The following KALRN variants were observed in gnomAD, a reference collection of about 807,000 sequenced individuals.
KALRN encodes kalirin.
KALRN carries 70 observed loss-of-function variants against 353.7 expected under a neutral mutation model. The observed-to-expected ratio is 0.20, with a 90% confidence interval of 0.16 to 0.24. The LOEUF (loss-of-function observed/expected upper bound fraction) is 0.24, where lower values mean the gene tolerates loss of function less well. KALRN is among the 10% of genes least tolerant of loss of function. The probability of loss-of-function intolerance (pLI) is 1.00; values close to 1 mark genes in which losing one functional copy is unlikely to be tolerated. For synonymous variants in KALRN, 1,391 were observed against 1,434.8 expected, an observed-to-expected ratio of 0.97 and a Z score of 0.69; for missense variants, 2,791 against 3,756.7, an observed-to-expected ratio of 0.74 and a Z score of 6.72.
rs185476725 is a variant in KALRN at position 124,307,898 on chromosome 3, C to A, written c.1092+8985C>A. Among the ~76,000 whole-genome samples, 377 of 152,010 alleles carry A rather than the reference C, an allele frequency of 2.5e-3. 3 individuals are homozygous for A. Among genetic ancestry groups the A allele is most frequent in the Non-Finnish European group, 3.2e-3 (214 of 67,844 alleles). On this transcript the variant is annotated intron_variant, in intron 6 of 59. Transcript: ENST00000682506. Reference sequence around the variant, plus strand: ...ATTTTTAAAAAATATAAGACCCAATCTAATTGCTGTATACAGGAGGCACAT... The same window carrying A: ...ATTTTTAAAAAATATAAGACCCAATATAATTGCTGTATACAGGAGGCACAT...
intron 9 of KALRN, among the ~76,000 whole-genome samples, chr3:124,343,183 G>A (rs1357436149): frequency 1.3e-5 from 2 of 152,138 alleles, no homozygotes; most frequent in Non-Finnish European, 2.9e-5. Context: ...ATATATTTGA[G>A]ACAAGATCTC....
chr3:124,390,998 G>T (rs1032971125), intron 11 of KALRN, among the ~76,000 whole-genome samples: 6 of 152,078 alleles, frequency 3.9e-5, no homozygotes, highest in Non-Finnish European at 7.3e-5. Context: ...GCATGGAAAG[G>T]CTCCTTTAAC....
intron 21 of KALRN, among the ~76,000 whole-genome samples, chr3:124,452,413 T>C (rs2058877986): frequency 6.6e-6 from 1 of 152,184 alleles, no homozygotes; most frequent in African/African-American, 2.4e-5. Flanking sequence ...CCTTTTAGGG[T>C]TCATGGTCTA....
At chr3:124,616,004 C>G (rs772521300) in intron 34 of KALRN, among the ~76,000 whole-genome samples, 4 of 152,160 alleles carry the variant, frequency 2.6e-5, no homozygotes, top group Non-Finnish European at 4.4e-5. Context: ...TACATTAAGT[C>G]CAAGAGACCC....
chr3:124,135,352 A>G (rs1313194750), intron 1 of KALRN, among the ~76,000 whole-genome samples: 5 of 152,184 alleles, frequency 3.3e-5, no homozygotes, highest in South Asian at 2.1e-4. Context: ...TAAGAATGAT[A>G]CAGTGGACTT....
At chr3:124,343,061 C>T (rs548292756) in intron 9 of KALRN, among the ~76,000 whole-genome samples, 28 of 152,308 alleles carry the variant, frequency 1.8e-4, no homozygotes, top group African/African-American at 6.7e-4. Flanking sequence ...CCATTGGCCT[C>T]GCCTGGGTCA....
At chr3:124,618,178 G>A (rs1191361024) in intron 34 of KALRN, among the ~76,000 whole-genome samples, 10 of 130,146 alleles carry the variant, frequency 7.7e-5, no homozygotes, top group Admixed American at 2.9e-4. Context: ...GCACGATCTC[G>A]GCTCACTGCA....
chr3:124,536,335 G>A (rs953290085), intron 33 of KALRN, among the ~76,000 whole-genome samples: 3 of 151,604 alleles, frequency 2.0e-5, no homozygotes, highest in Admixed American at 2.0e-4. Flanking sequence ...CTGAGTAGCT[G>A]GGATTACAGG....
At chr3:124,491,891 A>G (rs2108453787) in intron 31 of KALRN, among the ~76,000 whole-genome samples, 1 of 152,294 alleles carries the variant, frequency 6.6e-6, no homozygotes, top group Non-Finnish European at 1.5e-5. Context: ...GGGAACCTAC[A>G]TTCTTGAACC....
intron 10 of KALRN, among the ~76,000 whole-genome samples, chr3:124,355,709 C>T (rs1188306673): frequency 3.0e-4 from 29 of 97,400 alleles, no homozygotes; most frequent in East Asian, 8.9e-4. Context: ...TCTCTCCCAT[C>T]TTTTTTTTTT....
Position 124,661,898 on chromosome 3 carries a change from G to A in KALRN, c.6315G>A (p.Met2105Ile). 1 of 1,614,098 alleles carries A rather than the reference G, an allele frequency of 6.2e-7. No homozygotes were observed. Among genetic ancestry groups the A allele is most frequent in the South Asian group, 1.1e-5 (1 of 91,082 alleles). ...TTGTTCCCAAACGCTGCAATGACATGATGAATCTAGGACGTCTGCAGGGCT... is the reference window on the plus strand; with the variant it reads ...TTGTTCCCAAACGCTGCAATGACATAATGAATCTAGGACGTCTGCAGGGCT... ...MCLVPKRCND[M>I]MNLGRLQGFE... Residue 2105 changes from methionine to isoleucine, a missense_variant, in exon 45 of 60, where the codon ATG becomes ATA. Around this residue, in one of 11 missense-constraint regions of KALRN, gnomAD observed 1,065 missense variants for 1,156.4 expected, o/e 0.92. Transcript: ENST00000682506.
At chr3:124,609,057 T>C (rs1165080420) in intron 34 of KALRN, among the ~76,000 whole-genome samples, 2 of 152,214 alleles carry the variant, frequency 1.3e-5, no homozygotes, top group Non-Finnish European at 2.9e-5. Context: ...AAAGGTCATG[T>C]GGGCTTGAGT....
chr3:124,663,891 C>A (rs745372507), intron 45 of KALRN, among the ~76,000 whole-genome samples: 6 of 152,096 alleles, frequency 3.9e-5, no homozygotes, highest in Non-Finnish European at 8.8e-5. Flanking sequence ...CATTCTTGAG[C>A]CAAATTCTCT....
chr3:124,138,333 A>G (rs2066187507), intron 1 of KALRN, among the ~76,000 whole-genome samples: 1 of 152,196 alleles, frequency 6.6e-6, no homozygotes, highest in Non-Finnish European at 1.5e-5. Flanking sequence ...CTCTGACTAA[A>G]AGAGGGGGAG....
intron 6 of KALRN, among the ~76,000 whole-genome samples, chr3:124,320,458 C>G (rs1391474883): frequency 2.6e-5 from 4 of 152,232 alleles, no homozygotes; most frequent in Non-Finnish European, 4.4e-5. Flanking sequence ...CTCTCTCGAG[C>G]TGAAGACAAG....
chr3:124,064,978 A>G (rs1205661598), intron 1 of KALRN, among the ~76,000 whole-genome samples: 2 of 152,066 alleles, frequency 1.3e-5, no homozygotes, highest in African/African-American at 4.8e-5. Context: ...GTAGGTGACA[A>G]TGGACATAGG....
At chr3:124,456,525 TCCCCC>T in intron 22 of KALRN, 80 bp from the exon 23 acceptor site, 50 of 845,064 alleles carry the variant, frequency 5.9e-5, no homozygotes, top group Admixed American at 3.4e-4. Context: ...TATCTTTTTT[TCCCCC>T]TTTTACCACC....
chr3:124,221,582 C>T (rs2077910503), intron 1 of KALRN, among the ~76,000 whole-genome samples: 1 of 152,154 alleles, frequency 6.6e-6, no homozygotes, highest in Non-Finnish European at 1.5e-5. Flanking sequence ...GGAAATGACA[C>T]ATTAGAGAGA....
At chr3:124,617,058 G>A (rs1318016896) in intron 34 of KALRN, among the ~76,000 whole-genome samples, 2 of 151,848 alleles carry the variant, frequency 1.3e-5, no homozygotes, top group African/African-American at 2.4e-5. Context: ...TTGGCTGGGC[G>A]TGGTGGCTCA....
Sources: allele counts gnomAD v4.1 joint callset (sites outside exome capture counted in the v4.1 genomes callset), GRCh38; gene constraint gnomAD v4.1.1; regional missense constraint gnomAD v4.1.1; transcripts MANE v1.5; gene names NCBI Gene and HGNC (gene_info 2026-07-23, HGNC 2026-07-21).